Variants in MYT1L observed in about 807,000 individuals in gnomAD.
MYT1L encodes the protein myelin transcription factor 1 like, also known as myelin transcription factor 1-like protein.
A neutral mutation model predicts 126.7 loss-of-function variants in MYT1L; 12 were observed. The ratio of observed to expected loss-of-function variants is 0.09; its 90% CI spans 0.06 to 0.15. The LOEUF is 0.15. Ranked by LOEUF, MYT1L falls within the 10% of genes least tolerant of loss-of-function variation. MYT1L has a pLI of 1.00. For synonymous variants in MYT1L, 541 were observed against 604.2 expected, an observed-to-expected ratio of 0.90 and a Z score of 1.53; for missense variants, 979 against 1,585.2, an observed-to-expected ratio of 0.62 and a Z score of 6.49.
chr2:2,121,635 C>T (rs1357093785), intron 3 of MYT1L, among the ~76,000 whole-genome samples: 3 of 151,904 alleles, frequency 2.0e-5, no homozygotes, highest in Non-Finnish European at 2.9e-5. Flanking sequence ...TACAGGTGCG[C>T]ACCACCATAC....
chr2:1,930,997 C>T (rs2054890988), intron 9 of MYT1L, among the ~76,000 whole-genome samples: 1 of 152,222 alleles, frequency 6.6e-6, no homozygotes, highest in Non-Finnish European at 1.5e-5. Context: ...GGTTTATGTG[C>T]TGCATTTTGC....
rs2149075826 is a variant in MYT1L at position 1,917,807 on chromosome 2, A to G, written c.1484-468T>C. ...CTTATTGAGTGCTCTGATCGCATAC[A>G]CTAGAAGCTGCAGGATTTTACTGAC... On this transcript the variant is annotated intron_variant, in intron 10 of 24. Transcript: ENST00000647738. The surrounding 1 kb of genome is among the most constrained non-coding windows in gnomAD (Gnocchi z 5.9). Among the ~76,000 whole-genome samples the G allele has an allele frequency of 6.6e-6, 1 of 152,338 alleles. No individual in the cohort carries two copies. The highest frequency in any genetic ancestry group is 2.4e-5 in the African/African-American group (1 of 41,582).
Position 2,065,981 on chromosome 2 carries a change from C to CA in MYT1L, c.-303-11859dup, listed in dbSNP as rs541237206. Among the ~76,000 whole-genome samples the CA allele has an allele frequency of 8.6e-3, 1,298 of 151,442 alleles. 18 individuals carry two copies. The highest frequency in any genetic ancestry group is 0.03 in the African/African-American group (1,236 of 41,312). ...TTTCTAGGAATGATTTATCCTTTTG[C>CA]AAAAAAAAGTGTGTCTTCCTGTCTC... On this transcript the variant is annotated intron_variant, in intron 3 of 24. Coordinates refer to ENST00000647738, the MANE Select transcript of MYT1L (RefSeq NM_001303052.2).
At chr2:1,855,436 T>G (rs1289198223) in intron 18 of MYT1L, among the ~76,000 whole-genome samples, 1 of 152,136 alleles carries the variant, frequency 6.6e-6, no homozygotes, top group African/African-American at 2.4e-5. Context: ...GCAGAAGAGA[T>G]TGACTGGGTT....
At chr2:1,867,933 G>A (rs2045806256) in intron 18 of MYT1L, among the ~76,000 whole-genome samples, 2 of 151,984 alleles carry the variant, frequency 1.3e-5, no homozygotes, top group South Asian at 4.2e-4. Context: ...TCTTTATTTA[G>A]TAAACCTTCA....
chr2:1,964,367 G>A (rs2059176442), intron 8 of MYT1L, among the ~76,000 whole-genome samples: 3 of 152,200 alleles, frequency 2.0e-5, no homozygotes, highest in African/African-American at 7.2e-5. Flanking sequence ...TTATTGAAAC[G>A]TGGTACAGAG....
intron 2 of MYT1L, among the ~76,000 whole-genome samples, chr2:2,214,933 C>T (rs73913260): frequency 0.013 from 2,013 of 151,966 alleles, 44 homozygotes; most frequent in African/African-American, 0.043. Flanking sequence ...AGCACAAATG[C>T]TAAGAGGGAA....
At chr2:2,066,818 T>C (rs1323959714) in intron 3 of MYT1L, among the ~76,000 whole-genome samples, 1 of 152,164 alleles carries the variant, frequency 6.6e-6, no homozygotes, top group East Asian at 1.9e-4. Context: ...TCAGGGTGAG[T>C]CAGTGTCATT....
At chr2:1,933,969 ATTTTTTTTTTTTT>A (rs920521570) in intron 9 of MYT1L, among the ~76,000 whole-genome samples, 1 of 111,756 alleles carries the variant, frequency 8.9e-6, no homozygotes, top group African/African-American at 3.4e-5. Flanking sequence ...TCTAATTTTG[ATTTTTTTTTTTTT>A]TTTTTTTTTT....
At chr2:1,998,859 T>A (rs908196758) in intron 4 of MYT1L, among the ~76,000 whole-genome samples, 1 of 151,812 alleles carries the variant, frequency 6.6e-6, no homozygotes, top group Non-Finnish European at 1.5e-5. Flanking sequence ...ATGTGCCTGC[T>A]CCTAGTGGTT....
Position 2,080,373 on chromosome 2 carries a change from C to G in MYT1L, c.-303-26250G>C, listed in dbSNP as rs185757329. Reference sequence around the variant, plus strand: ...AAGTTGATCTGACAAAGGCCACCATCATGAAAATGGAAAAACAACAAAAAG... The same window carrying G: ...AAGTTGATCTGACAAAGGCCACCATGATGAAAATGGAAAAACAACAAAAAG... On this transcript the variant is annotated intron_variant, in intron 3 of 24. Coordinates refer to ENST00000647738, the MANE Select transcript of MYT1L (RefSeq NM_001303052.2). 2.0e-5 allele frequency among the ~76,000 whole-genome samples: 3 copies of G among 152,198 alleles called. No individual in the cohort carries two copies. In the East Asian group the frequency reaches 5.8e-4, roughly 29 times the overall value.
intron 14 of MYT1L, among the ~76,000 whole-genome samples, chr2:1,902,114 C>A (rs925203083): frequency 3.3e-5 from 5 of 152,134 alleles, no homozygotes; most frequent in African/African-American, 1.2e-4. Flanking sequence ...GTCTATACAG[C>A]CTAGAATTTA....
chr2:2,266,758 C>T (rs2095139747), intron 2 of MYT1L, among the ~76,000 whole-genome samples: 1 of 152,098 alleles, frequency 6.6e-6, no homozygotes. Context: ...CCATACTGTT[C>T]TTGTGGTAGA....
Position 2,225,419 on chromosome 2 carries a change from C to T in MYT1L, c.-420-52431G>A, listed in dbSNP as rs934357651. Among the ~76,000 whole-genome samples, 4 of 152,306 alleles carry T rather than the reference C, an allele frequency of 2.6e-5. No individual in the cohort carries two copies. In the South Asian group the frequency reaches 8.3e-4, roughly 32 times the overall value. ...ACCTACGTACACCCCAGTTGCAAAC[C>T]ACCTCCCCGTCCACTCTCCAGTCTC... is the stretch of plus-strand genomic sequence containing the variant. On this transcript the variant is annotated intron_variant, in intron 2 of 24. Coordinates refer to ENST00000647738, the MANE Select transcript of MYT1L (RefSeq NM_001303052.2).
intron 2 of MYT1L, among the ~76,000 whole-genome samples, chr2:2,254,555 G>A (rs2094754469): frequency 6.6e-6 from 1 of 152,220 alleles, no homozygotes; most frequent in Non-Finnish European, 1.5e-5. Context: ...GTGAAGATTA[G>A]ACAGATTCAG....
chr2:1,912,223 C>T lies in MYT1L; in HGVS notation c.1619-113G>A. On this transcript the variant is annotated intron_variant, in intron 11 of 24. Coordinates refer to ENST00000647738, the MANE Select transcript of MYT1L (RefSeq NM_001303052.2). The surrounding 1 kb of genome is among the most constrained non-coding windows in gnomAD (Gnocchi z 4.3). ...AGGTCGCTCATGATAGACAGTCCTA[C>T]AAACGTTTGTGATGGGCATGGCCAG... 2 of 647,044 alleles carry T rather than the reference C, an allele frequency of 3.1e-6. No individual in the cohort carries two copies. Among genetic ancestry groups the T allele is most frequent in the Non-Finnish European group, 5.0e-6 (2 of 398,486 alleles). 40.1% of individuals were successfully genotyped at this position (647,044 alleles called of 1,614,324 possible). A position where few individuals can be genotyped will look rare whatever the true frequency, so the allele number is the denominator to read the frequency against.
intron 2 of MYT1L, among the ~76,000 whole-genome samples, chr2:2,199,559 C>T (rs958583561): frequency 3.9e-5 from 6 of 152,310 alleles, no homozygotes; most frequent in Middle Eastern, 3.4e-3. Context: ...TGGGGCAGAA[C>T]CCCGTCCTCG....
At chr2:2,293,603 C>A (rs764017546) in intron 1 of MYT1L, among the ~76,000 whole-genome samples, 5 of 152,166 alleles carry the variant, frequency 3.3e-5, no homozygotes, top group Non-Finnish European at 5.9e-5. Context: ...ACAAAACACA[C>A]CCCTGAGGAA....
intron 4 of MYT1L, among the ~76,000 whole-genome samples, chr2:2,001,642 A>G (rs2062406769): frequency 6.6e-6 from 1 of 152,208 alleles, no homozygotes; most frequent in Non-Finnish European, 1.5e-5. Context: ...AGAAGCTGGA[A>G]AGGGTACACA....
Sources: gnomAD v4.1 joint callset for allele counts (sites outside exome capture counted in the v4.1 genomes callset) on GRCh38, gnomAD v4.1.1 for gene constraint, Gnocchi (gnomAD v3.1) non-coding constraint, MANE v1.5 for transcripts, NCBI Gene and HGNC (gene_info 2026-07-23, HGNC 2026-07-21) for gene names.